NAALADL2: variants seen among roughly 807,000 people sequenced by gnomAD.
NAALADL2 encodes the protein N-acetylated alpha-linked acidic dipeptidase like 2.
In NAALADL2, 76 loss-of-function variants were observed where a neutral mutation model predicts 87.2. The observed-to-expected ratio is 0.87, with a 90% CI of 0.72 to 1.05. The LOEUF (loss-of-function observed/expected upper bound fraction) is 1.05, where lower values mean the gene tolerates loss of function less well. NAALADL2 is among the 50% of genes least tolerant of loss of function. The pLI, the probability that NAALADL2 is intolerant of heterozygous loss-of-function variation, is 0.00. For missense variants in NAALADL2, 1,089 were observed against 945.8 expected, an observed-to-expected ratio of 1.15 and a Z score of -1.99; for synonymous variants, 354 against 331.0, an observed-to-expected ratio of 1.07 and a Z score of -0.75.
At chr3:174,444,657 C>T (rs996695379) in intron 1 of NAALADL2, among the ~76,000 whole-genome samples, 1 of 152,170 alleles carries the variant, frequency 6.6e-6, no homozygotes, top group Non-Finnish European at 1.5e-5. Context: ...GAGCTTATAA[C>T]TACAGTAACG....
chr3:174,850,433 T>A (rs942015613), intron 3 of NAALADL2, among the ~76,000 whole-genome samples: 1 of 152,190 alleles, frequency 6.6e-6, no homozygotes, highest in Middle Eastern at 3.4e-3. Context: ...ATAGAAAATA[T>A]ATTCAACGCT....
At chr3:175,533,479 G>A (rs1734377503) in intron 9 of NAALADL2, among the ~76,000 whole-genome samples, 1 of 152,150 alleles carries the variant, frequency 6.6e-6, no homozygotes. Flanking sequence ...GATCTCCTCA[G>A]AAAGGCTGAT....
At chr3:175,626,793 T>G (rs1727044945) in intron 10 of NAALADL2, among the ~76,000 whole-genome samples, 1 of 151,974 alleles carries the variant, frequency 6.6e-6, no homozygotes, top group Non-Finnish European at 1.5e-5. Flanking sequence ...TCAGAGATCT[T>G]ACCACTCAGA....
chr3:174,605,920 C>G (rs1198067041), intron 2 of NAALADL2, among the ~76,000 whole-genome samples: 1 of 152,174 alleles, frequency 6.6e-6, no homozygotes, highest in Non-Finnish European at 1.5e-5. Flanking sequence ...AGGCACCCCC[C>G]AGTAGGGGCA....
At chr3:175,291,541 C>G (rs1174380813) in intron 4 of NAALADL2, among the ~76,000 whole-genome samples, 1 of 151,998 alleles carries the variant, frequency 6.6e-6, no homozygotes, top group South Asian at 2.1e-4. Flanking sequence ...ATATGTTATT[C>G]AAGCTAGAAA....
intron 8 of NAALADL2, among the ~76,000 whole-genome samples, chr3:175,468,721 C>T (rs995417256): frequency 4.0e-5 from 6 of 151,812 alleles, no homozygotes; most frequent in African/African-American, 1.5e-4. Context: ...CTAGGCTTGT[C>T]TAAATTAATA....
chr3:175,027,046 T>C (rs9845338), intron 1 of NAALADL2, among the ~76,000 whole-genome samples: 11,801 of 152,144 alleles, frequency 0.078, 476 homozygotes, highest in Middle Eastern at 0.2. Context: ...TAAGGGTGAA[T>C]GGAATGATTC....
At chr3:175,598,721 C>G (rs1484733600) in intron 10 of NAALADL2, among the ~76,000 whole-genome samples, 1 of 152,122 alleles carries the variant, frequency 6.6e-6, no homozygotes, top group African/African-American at 2.4e-5. Context: ...ATGATGTTCT[C>G]ACACTTGGAG....
chr3:174,765,139 C>CGAGAG (rs760807858), intron 3 of NAALADL2, among the ~76,000 whole-genome samples: 1,763 of 124,364 alleles, frequency 0.014, 39 homozygotes, highest in African/African-American at 0.045. Flanking sequence ...CACACACACA[C>CGAGAG]ACACGAGAGA....
chr3:175,786,798 G>T (rs1752037137), intron 13 of NAALADL2, among the ~76,000 whole-genome samples: 1 of 152,174 alleles, frequency 6.6e-6, no homozygotes, highest in Non-Finnish European at 1.5e-5. Flanking sequence ...CTGCGTTTTA[G>T]AGTTTCCAGT....
chr3:174,864,289 G>T (rs959656697), intron 1 of NAALADL2, among the ~76,000 whole-genome samples: 3 of 152,042 alleles, frequency 2.0e-5, no homozygotes, highest in Non-Finnish European at 4.4e-5. Flanking sequence ...TTTCTAAGTG[G>T]AAGTGGAATC....
At chr3:175,755,915 G>C (rs1381532597) in intron 13 of NAALADL2, among the ~76,000 whole-genome samples, 1 of 152,194 alleles carries the variant, frequency 6.6e-6, no homozygotes, top group East Asian at 1.9e-4. Flanking sequence ...TGGTTGGAGA[G>C]TCACATGGAG....
rs577602406 is a variant in NAALADL2, at chr3:174,989,132, T to C, written c.44-107658T>C. ...AGGAACTAATACAGTGAGAACTCAC[T>C]CATGACCGTGAGGACAGCACCAAGC... is the stretch of plus-strand genomic sequence containing the variant. On this transcript the variant is annotated intron_variant, in intron 1 of 13. Transcript: ENST00000454872. 6.2e-4 allele frequency among the ~76,000 whole-genome samples: 94 copies of C among 152,274 alleles called. 1 individual carries two copies. The highest frequency in any genetic ancestry group is 1.1e-3 in the Non-Finnish European group (76 of 68,022).
chr3:174,609,205 T>C (rs1719491508), intron 2 of NAALADL2, among the ~76,000 whole-genome samples: 1 of 152,134 alleles, frequency 6.6e-6, no homozygotes, highest in South Asian at 2.1e-4. Flanking sequence ...ACAGCCAATA[T>C]CATATTGAAT....
At chr3:175,061,600 T>A (rs911772324) in intron 1 of NAALADL2, among the ~76,000 whole-genome samples, 1 of 152,042 alleles carries the variant, frequency 6.6e-6, no homozygotes, top group Non-Finnish European at 1.5e-5. Context: ...GATATAGCAG[T>A]GTCCAAATTT....
At chr3:174,817,942 T>C (rs1297503684) in intron 3 of NAALADL2, among the ~76,000 whole-genome samples, 1 of 152,206 alleles carries the variant, frequency 6.6e-6, no homozygotes, top group Non-Finnish European at 1.5e-5. Context: ...ACACAGCCCA[T>C]ATATTTCTAT....
chr3:174,797,761 G>A (rs1188424852), intron 3 of NAALADL2, among the ~76,000 whole-genome samples: 1 of 152,086 alleles, frequency 6.6e-6, no homozygotes, highest in African/African-American at 2.4e-5. Context: ...ATTGCTGTTA[G>A]TTAAGCCAAA....
intron 13 of NAALADL2, among the ~76,000 whole-genome samples, chr3:175,767,040 C>A (rs1363389067): frequency 6.6e-6 from 1 of 152,178 alleles, no homozygotes; most frequent in South Asian, 2.1e-4. Flanking sequence ...ATCTTTTGTT[C>A]AAATGAAAGC....
intron 5 of NAALADL2, among the ~76,000 whole-genome samples, chr3:175,383,506 G>A (rs1224250485): frequency 2.0e-5 from 3 of 151,982 alleles, no homozygotes; most frequent in African/African-American, 4.8e-5. Flanking sequence ...ACCATGTGGT[G>A]CAATAGACCA....
Sources: gnomAD v4.1 joint callset for allele counts (sites outside exome capture counted in the v4.1 genomes callset) on GRCh38, gnomAD v4.1.1 for gene constraint, MANE v1.5 for transcripts, NCBI Gene and HGNC (gene_info 2026-07-23, HGNC 2026-07-21) for gene names.